The following RAB3C variants were observed in gnomAD, a reference collection of about 807,000 sequenced individuals.
RAB3C encodes the protein RAB3C, member RAS oncogene family, also known as ras-related protein Rab-3C.
Under a neutral mutation model 26.4 loss-of-function variants are expected in RAB3C, and 17 were observed. That is an observed-to-expected ratio of 0.64 (90% CI 0.44 to 0.97). The LOEUF is 0.97. Among genes scored for constraint, RAB3C ranks in the 50% least tolerant of loss-of-function variants. The pLI is 0.00. For synonymous variants in RAB3C, 91 were observed against 95.9 expected (o/e 0.95, Z 0.30); for missense variants, 242 against 281.9 (o/e 0.86, Z 1.01).
intron 3 of RAB3C, among the ~76,000 whole-genome samples, chr5:58,800,133 C>T (rs1010519646): frequency 4.6e-5 from 7 of 152,182 alleles, no homozygotes; most frequent in African/African-American, 1.7e-4. Flanking sequence ...TAAATTTTTA[C>T]ACCTTATGTT....
chr5:58,820,667 C>T (rs1382324630), intron 3 of RAB3C, among the ~76,000 whole-genome samples: 3 of 152,136 alleles, frequency 2.0e-5, no homozygotes, highest in Admixed American at 1.3e-4. Flanking sequence ...CTTTGTAATT[C>T]CCTAGCAATT....
intron 1 of RAB3C, among the ~76,000 whole-genome samples, chr5:58,599,048 A>G (rs1168167760): frequency 3.9e-5 from 6 of 152,090 alleles, no homozygotes; most frequent in Non-Finnish European, 8.8e-5. Flanking sequence ...TAAAAACAAA[A>G]CAAAATAAAA....
At chr5:58,736,265 C>G (rs574949200) in intron 3 of RAB3C, among the ~76,000 whole-genome samples, 1 of 152,258 alleles carries the variant, frequency 6.6e-6, no homozygotes, top group African/African-American at 2.4e-5. Context: ...CTCATAGTAA[C>G]CTTTCCCTAA....
intron 3 of RAB3C, among the ~76,000 whole-genome samples, chr5:58,794,125 C>T (rs946074309): frequency 7.9e-5 from 12 of 152,164 alleles, no homozygotes; most frequent in Non-Finnish European, 1.8e-4. Context: ...CAGCAGGTCA[C>T]TAAAGTTATA....
intron 2 of RAB3C, among the ~76,000 whole-genome samples, chr5:58,707,256 T>C (rs1212665860): frequency 2.6e-5 from 4 of 152,150 alleles, no homozygotes; most frequent in African/African-American, 9.7e-5. Flanking sequence ...ATCCAAAAAT[T>C]AGATATCATA....
Position 58,649,918 on chromosome 5 carries a change from A to G in RAB3C, c.252+32048A>G, listed in dbSNP as rs537502119. Among the ~76,000 whole-genome samples the G allele has an allele frequency of 3.3e-5, 5 of 152,344 alleles. 1 individual carries two copies. The South Asian group carries it at 1.0e-3, about 32-fold the overall frequency. ...AAGATAAAGCCTTAGCTCAAAAAGC[A>G]GCACTCTCTGTTGTTTTTTCAGGCA... On this transcript the variant is annotated intron_variant, in intron 2 of 4. Transcript: ENST00000282878.
At chr5:58,745,686 T>C (rs1741388924) in intron 3 of RAB3C, among the ~76,000 whole-genome samples, 1 of 152,218 alleles carries the variant, frequency 6.6e-6, no homozygotes, top group African/African-American at 2.4e-5. Context: ...TTTCCTTCTT[T>C]CTGATCTCCT....
At chr5:58,670,090 G>A (rs1334207416) in intron 2 of RAB3C, among the ~76,000 whole-genome samples, 4 of 152,146 alleles carry the variant, frequency 2.6e-5, no homozygotes, top group African/African-American at 9.7e-5. Flanking sequence ...GCCTGTATTT[G>A]AGGGTGGAGG....
At chr5:58,604,549 G>C (rs1020786965) in intron 1 of RAB3C, among the ~76,000 whole-genome samples, 1 of 152,154 alleles carries the variant, frequency 6.6e-6, no homozygotes, top group Non-Finnish European at 1.5e-5. Flanking sequence ...TATTATGGCT[G>C]CCTCTGCTGA....
At chr5:58,617,486 A>G (rs1746847644) in intron 1 of RAB3C, 157 bp from the exon 2 acceptor site, 1 of 777,296 alleles carries the variant, frequency 1.3e-6, no homozygotes, top group Non-Finnish European at 2.4e-6. Flanking sequence ...ATGGATACCA[A>G]TATCAGAGGA....
intron 2 of RAB3C, among the ~76,000 whole-genome samples, chr5:58,681,205 T>C (rs967691858): frequency 2.6e-5 from 4 of 152,210 alleles, no homozygotes; most frequent in Non-Finnish European, 5.9e-5. Flanking sequence ...GCTTCCCATG[T>C]TTATTTTATT....
intron 3 of RAB3C, among the ~76,000 whole-genome samples, chr5:58,750,782 T>A (rs183845572): frequency 6.6e-6 from 1 of 152,312 alleles, no homozygotes; most frequent in East Asian, 1.9e-4. Flanking sequence ...AAGAAGGATG[T>A]GCCATCATGT....
At chr5:58,593,550 TG>T (rs1746182696) in intron 1 of RAB3C, among the ~76,000 whole-genome samples, 1 of 152,212 alleles carries the variant, frequency 6.6e-6, no homozygotes, top group Non-Finnish European at 1.5e-5. Flanking sequence ...CTTTTTTATG[TG>T]TTTTTCAAAT....
intron 3 of RAB3C, among the ~76,000 whole-genome samples, chr5:58,801,743 T>G (rs1742812275): frequency 6.6e-6 from 1 of 152,258 alleles, no homozygotes; most frequent in African/African-American, 2.4e-5. Flanking sequence ...TCTTGAAATG[T>G]TGCAATGTAA....
chr5:58,626,386 A>C (rs1280165363), intron 2 of RAB3C, among the ~76,000 whole-genome samples: 1 of 152,182 alleles, frequency 6.6e-6, no homozygotes, highest in East Asian at 1.9e-4. Flanking sequence ...AATCTTCATA[A>C]ATTTACCAAC....
At chr5:58,754,543 C>T (rs1475698358) in intron 3 of RAB3C, among the ~76,000 whole-genome samples, 1 of 152,128 alleles carries the variant, frequency 6.6e-6, no homozygotes, top group African/African-American at 2.4e-5. Context: ...TAACTTTTGC[C>T]TTTGGGAGGC....
chr5:58,675,586 G>A (rs182178965), intron 2 of RAB3C, among the ~76,000 whole-genome samples: 14 of 148,732 alleles, frequency 9.4e-5, no homozygotes, highest in African/African-American at 1.7e-4. Context: ...CCAACACAGC[G>A]TCAGCATCTC....
At chr5:58,632,230 C>G (rs1747197007) in intron 2 of RAB3C, among the ~76,000 whole-genome samples, 1 of 152,218 alleles carries the variant, frequency 6.6e-6, no homozygotes, top group Non-Finnish European at 1.5e-5. Flanking sequence ...TGGGGTTTAT[C>G]AGAACCATTG....
chr5:58,599,870 T>G (rs1746412620), intron 1 of RAB3C, among the ~76,000 whole-genome samples: 1 of 152,134 alleles, frequency 6.6e-6, no homozygotes. Flanking sequence ...CCCAGCTGTT[T>G]ATCTTTGTTT....
Sources: allele counts gnomAD v4.1 joint callset (sites outside exome capture counted in the v4.1 genomes callset), GRCh38; gene constraint gnomAD v4.1.1; transcripts MANE v1.5; gene names NCBI Gene and HGNC (gene_info 2026-07-23, HGNC 2026-07-21).